SYT1: variants seen among roughly 807,000 people sequenced by gnomAD.
The protein encoded by SYT1 is synaptotagmin 1.
A neutral mutation model predicts 44.8 loss-of-function variants in SYT1; 8 were observed. The observed-to-expected ratio is 0.18, with a 90% CI of 0.10 to 0.32. The LOEUF is 0.32. Among genes scored for constraint, SYT1 ranks in the 10% least tolerant of loss-of-function variants. The probability of loss-of-function intolerance (pLI) is 1.00; values close to 1 mark genes in which losing one functional copy is unlikely to be tolerated. For missense variants in SYT1, 286 were observed against 509.3 expected, an observed-to-expected ratio of 0.56 and a Z score of 4.22; for synonymous variants, 154 against 188.8, an observed-to-expected ratio of 0.82 and a Z score of 1.51.
chr12:78,948,760 G>A (rs971414275), intron 1 of SYT1, among the ~76,000 whole-genome samples: 3 of 151,708 alleles, frequency 2.0e-5, no homozygotes, highest in Non-Finnish European at 2.9e-5. Flanking sequence ...AGCATTTTAA[G>A]TAGTATCCAT....
In SYT1 at chr12:79,294,889, AC is replaced by A. The variant is rs765029157; in HGVS notation, c.475-1179del. On this transcript the variant is annotated intron_variant, in intron 6 of 10. Coordinates refer to ENST00000261205, the MANE Select transcript of SYT1 (RefSeq NM_005639.3). ...ATTGCCACTGTTGTATCATGATTCC[AC>A]AAAAAAAAAAAAAGATATTGAAGCA... is the stretch of plus-strand genomic sequence containing the variant. Among the ~76,000 whole-genome samples, 1,026 of 125,130 alleles carry A rather than the reference AC, an allele frequency of 8.2e-3. 6 individuals are homozygous for A. Among genetic ancestry groups the A allele is most frequent in the Non-Finnish European group, 0.012 (694 of 57,446 alleles). The allele number at this position is 125,130 out of a possible 152,430, so 82.1% of individuals were successfully genotyped here.
chr12:79,229,769 A>AT (rs1181552965), intron 4 of SYT1, among the ~76,000 whole-genome samples: 1 of 151,746 alleles, frequency 6.6e-6, no homozygotes, highest in East Asian at 1.9e-4. Flanking sequence ...AATTTTTTGT[A>AT]TTTTTAGTAG....
chr12:79,054,205 CAACTA>C (rs1180119163), intron 3 of SYT1, among the ~76,000 whole-genome samples: 5 of 152,108 alleles, frequency 3.3e-5, no homozygotes, highest in African/African-American at 9.6e-5. Flanking sequence ...AGTTAGGACT[CAACTA>C]AACGGGGACA....
chr12:79,192,840 T>C (rs1404217065), intron 3 of SYT1, among the ~76,000 whole-genome samples: 2 of 152,192 alleles, frequency 1.3e-5, no homozygotes, highest in Non-Finnish European at 1.5e-5. Context: ...TGGCCTCTAA[T>C]AGAACCAAAA....
chr12:78,873,208 T>C (rs1422900550), intron 1 of SYT1, among the ~76,000 whole-genome samples: 1 of 151,674 alleles, frequency 6.6e-6, no homozygotes, highest in Non-Finnish European at 1.5e-5. Context: ...AAGCCTCTTA[T>C]ATTTTTTGTC....
At chr12:79,373,850 T>C (rs1047543307) in intron 9 of SYT1, among the ~76,000 whole-genome samples, 4 of 152,208 alleles carry the variant, frequency 2.6e-5, no homozygotes, top group African/African-American at 9.6e-5. Flanking sequence ...AGGTACCAGC[T>C]GGGTCATATT....
intron 4 of SYT1, among the ~76,000 whole-genome samples, chr12:79,270,389 A>C (rs2138766001): frequency 6.6e-6 from 1 of 152,314 alleles, no homozygotes; most frequent in African/African-American, 2.4e-5. Context: ...GATATGTTGA[A>C]GGTAGAAAAT....
intron 1 of SYT1, among the ~76,000 whole-genome samples, chr12:78,877,670 T>C (rs546793683): frequency 6.6e-5 from 7 of 105,488 alleles, no homozygotes; most frequent in South Asian, 2.3e-4. Context: ...TAACAGCCTG[T>C]ATTTTTTTTC....
intron 3 of SYT1, among the ~76,000 whole-genome samples, chr12:79,159,323 A>T (rs1592803599): frequency 6.6e-6 from 1 of 152,166 alleles, no homozygotes; most frequent in African/African-American, 2.4e-5. Context: ...ACTGACAAAG[A>T]GAGTACTGGG....
intron 3 of SYT1, among the ~76,000 whole-genome samples, chr12:79,084,737 A>G (rs1411393913): frequency 6.6e-6 from 1 of 152,172 alleles, no homozygotes. Flanking sequence ...ACTACAAGTA[A>G]AATTTTAAAA....
chr12:78,937,150 T>C (rs1476934082), intron 1 of SYT1, among the ~76,000 whole-genome samples: 1 of 152,206 alleles, frequency 6.6e-6, no homozygotes, highest in Non-Finnish European at 1.5e-5. Context: ...GGAAGCAGCC[T>C]GTCTAAAATT....
chr12:79,359,757 C>A (rs745315160), intron 9 of SYT1, among the ~76,000 whole-genome samples: 47 of 152,240 alleles, frequency 3.1e-4, no homozygotes, highest in Admixed American at 1.1e-3. Flanking sequence ...TTTGTCTTTT[C>A]TCTAGCTCCT....
At chr12:78,962,773 C>G (rs898267986) in intron 1 of SYT1, among the ~76,000 whole-genome samples, 2 of 150,180 alleles carry the variant, frequency 1.3e-5, no homozygotes, top group Non-Finnish European at 3.0e-5. Context: ...CTGAAATCTA[C>G]TCACCATGCC....
chr12:78,978,762 T>C (rs541088361), intron 2 of SYT1, among the ~76,000 whole-genome samples: 151 of 152,292 alleles, frequency 9.9e-4, no homozygotes, highest in Admixed American at 1.9e-3. Context: ...ACAGGAGAAA[T>C]AGTGTTACAG....
chr12:79,337,000 C>T (rs758998652), intron 8 of SYT1, among the ~76,000 whole-genome samples: 3 of 152,108 alleles, frequency 2.0e-5, no homozygotes, highest in Non-Finnish European at 4.4e-5. Flanking sequence ...AATAGCTCTT[C>T]TCTCCTCACC....
At chr12:79,311,322 C>G (rs1457458052) in intron 8 of SYT1, among the ~76,000 whole-genome samples, 1 of 151,906 alleles carries the variant, frequency 6.6e-6, no homozygotes, top group African/African-American at 2.4e-5. Context: ...AATGAGATAC[C>G]ATCTCACACC....
intron 3 of SYT1, among the ~76,000 whole-genome samples, chr12:79,161,723 G>C (rs1870961308): frequency 6.6e-6 from 1 of 152,150 alleles, no homozygotes; most frequent in Admixed American, 6.6e-5. Context: ...GTAAGTGACT[G>C]AGTAGGGATT....
rs140959593 is a variant in SYT1, at chr12:79,272,103, T to C, written c.167-13684T>C. 2.3e-3 allele frequency among the ~76,000 whole-genome samples: 355 copies of C among 152,298 alleles called. 3 individuals are homozygous for C. The highest frequency in any genetic ancestry group is 7.8e-3 in the African/African-American group (326 of 41,554). ...CCTTGAAAAGGAAGTATTATTTAAATGACTGGAGAGGAAGAAGAATAGCAT... is the reference window on the plus strand; with the variant it reads ...CCTTGAAAAGGAAGTATTATTTAAACGACTGGAGAGGAAGAAGAATAGCAT... On this transcript the variant is annotated intron_variant, in intron 4 of 10. Transcript: ENST00000261205.
intron 8 of SYT1, among the ~76,000 whole-genome samples, chr12:79,300,911 C>T (rs1880120106): frequency 1.4e-5 from 2 of 147,150 alleles, no homozygotes; most frequent in Non-Finnish European, 3.0e-5. Context: ...CAAGAATACC[C>T]AGGAAAAATA....
Sources: allele counts gnomAD v4.1 joint callset (sites outside exome capture counted in the v4.1 genomes callset), GRCh38; gene constraint gnomAD v4.1.1; transcripts MANE v1.5; gene names NCBI Gene and HGNC (gene_info 2026-07-23, HGNC 2026-07-21).